Variants in SLAIN2 observed in about 807,000 individuals in gnomAD.
The protein encoded by SLAIN2 is SLAIN family member 2.
SLAIN2 carries 31 observed loss-of-function variants against 56.6 expected under a neutral mutation model. The ratio of observed to expected loss-of-function variants is 0.55; its 90% CI spans 0.41 to 0.74. The LOEUF is 0.74. Among genes scored for constraint, SLAIN2 ranks in the 30% least tolerant of loss-of-function variants. The pLI is 0.00. For synonymous variants in SLAIN2, 317 were observed against 284.9 expected (o/e 1.11, Z -1.13); for missense variants, 777 against 754.2 (o/e 1.03, Z -0.35).
chr4:48,370,452 C>G (rs989479701), intron 2 of SLAIN2, among the ~76,000 whole-genome samples: 1 of 152,150 alleles, frequency 6.6e-6, no homozygotes, highest in African/African-American at 2.4e-5. Flanking sequence ...GCTCAGTTGT[C>G]TCATAAGAAT....
At chr4:48,420,079 A>G (rs1264632493) in intron 6 of SLAIN2, 46 bp from the exon 7 acceptor site, 21 of 1,581,132 alleles carry the variant, frequency 1.3e-5, no homozygotes, top group Non-Finnish European at 1.7e-5. Flanking sequence ...GGTTTCATAT[A>G]TACAGATTTC....
At chr4:48,355,987 A>G (rs1216301678) in intron 1 of SLAIN2, among the ~76,000 whole-genome samples, 1 of 152,082 alleles carries the variant, frequency 6.6e-6, no homozygotes, top group African/African-American at 2.4e-5. Flanking sequence ...TGTGGGTTCG[A>G]ACTTTATGTT....
At chr4:48,364,693 G>C (rs1452149593) in intron 1 of SLAIN2, among the ~76,000 whole-genome samples, 1 of 128,968 alleles carries the variant, frequency 7.8e-6, no homozygotes, top group African/African-American at 2.8e-5. Context: ...GGCCAACACA[G>C]CGAAACCCTG....
chr4:48,394,634 A>T, intron 6 of SLAIN2: 1 of 1,535,924 alleles, frequency 6.5e-7, no homozygotes, highest in East Asian at 2.4e-5. Flanking sequence ...AGTTGCTTCA[A>T]ACTTCATCTA....
chr4:48,362,579 C>T (rs1715356982), intron 1 of SLAIN2, among the ~76,000 whole-genome samples: 2 of 149,360 alleles, frequency 1.3e-5, no homozygotes, highest in East Asian at 1.9e-4. Flanking sequence ...CTACCATGCC[C>T]GGCTACATTT....
chr4:48,349,616 A>G (rs1462166360), intron 1 of SLAIN2, among the ~76,000 whole-genome samples: 1 of 152,228 alleles, frequency 6.6e-6, no homozygotes, highest in African/African-American at 2.4e-5. Flanking sequence ...TGTGATTTCC[A>G]AGTTTTCTGA....
rs908095373 is a variant in SLAIN2, at chr4:48,383,965, ATTT to A, written c.1360+183_1360+185del. 48 of 597,066 alleles carry A rather than the reference ATTT, an allele frequency of 8.0e-5. No homozygotes were observed. In the African/African-American group the frequency reaches 8.5e-4, roughly 11 times the overall value. 37.0% of individuals were successfully genotyped at this position (597,066 alleles called of 1,614,324 possible). On this transcript the variant is annotated intron_variant, in intron 6 of 7. Coordinates refer to ENST00000264313, the MANE Select transcript of SLAIN2 (RefSeq NM_020846.2). ...AATCAAAGTTATATTACAATTTAAA[ATTT>A]TCTATGTAGGATACTTGATTCTGCC...
intron 6 of SLAIN2, among the ~76,000 whole-genome samples, chr4:48,413,851 A>G (rs1716929188): frequency 6.6e-6 from 1 of 152,198 alleles, no homozygotes; most frequent in African/African-American, 2.4e-5. Flanking sequence ...ATTGCTAGGT[A>G]CATGTTGGAT....
intron 2 of SLAIN2, among the ~76,000 whole-genome samples, chr4:48,374,950 A>T (rs1715765346): frequency 6.6e-6 from 1 of 152,204 alleles, no homozygotes; most frequent in Non-Finnish European, 1.5e-5. Flanking sequence ...GTTGACTTAG[A>T]TACATTTGCC....
Position 48,341,627 on chromosome 4 carries a change from T to A in SLAIN2, c.-113T>A. On this transcript the variant is annotated 5_prime_UTR_variant, in exon 1 of 8. Coordinates refer to ENST00000264313, the MANE Select transcript of SLAIN2 (RefSeq NM_020846.2). ...CTGGCGGTGGGGCCTGGTCCTGCTATATGCCGGCGCCTCGGCTAGAGTGAG... is the reference window on the plus strand; with the variant it reads ...CTGGCGGTGGGGCCTGGTCCTGCTAAATGCCGGCGCCTCGGCTAGAGTGAG... The A allele has an allele frequency of 1.4e-5, 20 of 1,433,878 alleles. No individual in the cohort carries two copies. The highest frequency in any genetic ancestry group is 1.7e-5 in the Non-Finnish European group (19 of 1,091,460). The allele number at this position is 1,433,878 out of a possible 1,614,324, so 88.8% of individuals were successfully genotyped here. A position where few individuals can be genotyped will look rare whatever the true frequency, so the allele number is the denominator to read the frequency against.
chr4:48,364,731 G>A (rs1047075872), intron 1 of SLAIN2, among the ~76,000 whole-genome samples: 11 of 137,152 alleles, frequency 8.0e-5, no homozygotes, highest in Non-Finnish European at 1.8e-4. Context: ...CAGGCGTGGC[G>A]GCGCGTGCCT....
chr4:48,416,871 T>G (rs1313155821), intron 6 of SLAIN2, among the ~76,000 whole-genome samples: 1 of 128,378 alleles, frequency 7.8e-6, no homozygotes, highest in African/African-American at 3.0e-5. Context: ...GAGGGAAATT[T>G]ATAGCACTAA....
chr4:48,360,990 T>A (rs1715312821), intron 1 of SLAIN2, among the ~76,000 whole-genome samples: 2 of 152,210 alleles, frequency 1.3e-5, no homozygotes, highest in Admixed American at 6.5e-5. Context: ...ACTCAAAAAA[T>A]TCAAACAGGA....
intron 3 of SLAIN2, among the ~76,000 whole-genome samples, chr4:48,378,884 A>C (rs1013409851): frequency 6.6e-6 from 1 of 152,190 alleles, no homozygotes; most frequent in Non-Finnish European, 1.5e-5. Context: ...TTTCATTAAT[A>C]GTATAAAGAT....
chr4:48,412,388 ACACACACACACACACACACACACACACAT>A (rs1716881904), intron 6 of SLAIN2, among the ~76,000 whole-genome samples: 1 of 90,310 alleles, frequency 1.1e-5, no homozygotes. Context: ...ACACACACAC[ACACACACACACACACACACACACACACAT>A]TCCCTCTCTC....
chr4:48,373,898 T>C (rs1286589210), intron 2 of SLAIN2, among the ~76,000 whole-genome samples: 1 of 151,768 alleles, frequency 6.6e-6, no homozygotes, highest in Non-Finnish European at 1.5e-5. Context: ...AAATTAATGG[T>C]GTGGTGGCAC....
intron 6 of SLAIN2, among the ~76,000 whole-genome samples, chr4:48,410,489 TAAG>T (rs1439512679): frequency 1.3e-5 from 2 of 152,208 alleles, no homozygotes; most frequent in African/African-American, 4.8e-5. Context: ...CATAGTGTCA[TAAG>T]AAATCAGTGC....
chr4:48,395,000 T>C (rs1716341178), intron 6 of SLAIN2, among the ~76,000 whole-genome samples: 1 of 152,220 alleles, frequency 6.6e-6, no homozygotes, highest in African/African-American at 2.4e-5. Context: ...TTGATGTTTT[T>C]TCCTCAGACT....
chr4:48,387,016 G>C (rs1716117926), intron 6 of SLAIN2, among the ~76,000 whole-genome samples: 1 of 152,116 alleles, frequency 6.6e-6, no homozygotes, highest in Admixed American at 6.5e-5. Flanking sequence ...TTCATATTTA[G>C]TTTGAACTGT....
Sources: allele counts gnomAD v4.1 joint callset (sites outside exome capture counted in the v4.1 genomes callset), GRCh38; gene constraint gnomAD v4.1.1; transcripts MANE v1.5; gene names NCBI Gene and HGNC (gene_info 2026-07-23, HGNC 2026-07-21).